The following ITPRIP variants were observed in gnomAD, a reference collection of about 807,000 sequenced individuals.
The protein encoded by ITPRIP is inositol 1,4,5-trisphosphate receptor-interacting protein.
In ITPRIP, 32 loss-of-function variants were observed where a neutral mutation model predicts 35.8. That is an observed-to-expected ratio of 0.89 (90% CI 0.68 to 1.20). The LOEUF (loss-of-function observed/expected upper bound fraction) is 1.20, where lower values mean the gene tolerates loss of function less well. Among genes scored for constraint, ITPRIP ranks in the 50% most tolerant of loss-of-function variants. The pLI is 0.00. For missense variants in ITPRIP, 653 were observed against 735.6 expected, an observed-to-expected ratio of 0.89 and a Z score of 1.30; for synonymous variants, 358 against 324.0, an observed-to-expected ratio of 1.11 and a Z score of -1.13.
In ITPRIP at chr10:104,314,638, T is replaced by C. The variant is rs747465215; in HGVS notation, c.1414A>G (p.Lys472Glu). ...LCFLEKSLLQ[K>E]KLHHFFIGNR... ...CCGATGAAGAAGTGGTGGAGCTTCT[T>C]CTGGAGCAAGCTCTTCTCCAGGAAG... Residue 472 changes from lysine (K) to glutamate (E), a missense_variant, in exon 2 of 2, where the codon AAG (lysine) becomes GAG (glutamate). Transcript: ENST00000337478. The C allele has an allele frequency of 3.1e-6, 5 of 1,614,022 alleles. No individual in the cohort carries two copies. In the African/African-American group the frequency reaches 4.0e-5, roughly 13 times the overall value.
chr10:104,310,678 G>A lies in ITPRIP; in HGVS notation c.*3730C>T, dbSNP rs373695289. 9.2e-5 allele frequency: 14 copies of A among 152,266 alleles called. No individual in the cohort carries two copies. The highest frequency in any genetic ancestry group is 2.9e-4 in the African/African-American group (12 of 41,558). 9.4% of individuals were successfully genotyped at this position (152,266 alleles called of 1,614,324 possible). ...TGTGTGCATTAACAAATGTGTGTGC[G>A]GAACGGTGCCTGCCATACAGTAGGT... On this transcript the variant is annotated 3_prime_UTR_variant, in exon 2 of 2. Coordinates refer to ENST00000337478, the MANE Select transcript of ITPRIP (RefSeq NM_001272013.2).
rs1281710566 is a variant in ITPRIP, at chr10:104,333,907, C to A, written c.-14+4339G>T. On this transcript the variant is annotated intron_variant, in intron 1 of 1. Transcript: ENST00000337478. This position sits in a 1 kb window ranked among gnomAD's most constrained non-coding sequence, Gnocchi z 4.1. ...CCTCTGCTGTCCTGAAGAGCGCACACTGGCCAGGTTTCCAGTCTGCGCCAG... is the reference window on the plus strand; with the variant it reads ...CCTCTGCTGTCCTGAAGAGCGCACAATGGCCAGGTTTCCAGTCTGCGCCAG... 1 of 152,312 alleles carries A rather than the reference C, an allele frequency of 6.6e-6. No homozygotes were observed. Among genetic ancestry groups the A allele is most frequent in the Non-Finnish European group, 1.5e-5 (1 of 68,120 alleles). 9.4% of individuals were successfully genotyped at this position (152,312 alleles called of 1,614,324 possible).
At chr10:104,331,362 T>G (rs1416475472) in intron 1 of ITPRIP, among the ~76,000 whole-genome samples, 1 of 152,252 alleles carries the variant, frequency 6.6e-6, no homozygotes, top group Non-Finnish European at 1.5e-5. Flanking sequence ...GTCCCCCGGC[T>G]GCTGCTAAGA....
chr10:104,318,838 G>C (rs1245504234), intron 1 of ITPRIP, among the ~76,000 whole-genome samples: 1 of 152,218 alleles, frequency 6.6e-6, no homozygotes, highest in African/African-American at 2.4e-5. Flanking sequence ...TATAAAGCTT[G>C]AACAAGATAA....
At chr10:104,332,905 C>T (rs1589896734) in intron 1 of ITPRIP, among the ~76,000 whole-genome samples, 1 of 152,234 alleles carries the variant, frequency 6.6e-6, no homozygotes. Context: ...TCCATACACT[C>T]TTCCTCTCCA....
chr10:104,318,987 ACT>A (rs2013767594), intron 1 of ITPRIP, among the ~76,000 whole-genome samples: 1 of 152,222 alleles, frequency 6.6e-6, no homozygotes, highest in Admixed American at 6.5e-5. Flanking sequence ...CCTACAAGGA[ACT>A]CTGGCAGGAT....
At position 104,315,799 on chromosome 10, in the gene ITPRIP, C is replaced by A; in HGVS notation, c.253G>T (p.Ala85Ser). 1 of 1,613,892 alleles carries A rather than the reference C, an allele frequency of 6.2e-7. No individual in the cohort carries two copies. Among genetic ancestry groups the A allele is most frequent in the Non-Finnish European group, 8.5e-7 (1 of 1,179,930 alleles). The change falls in exon 2 of 2, where the codon GCC becomes TCC. Residue 85 changes from alanine (A) to serine (S), a missense_variant. Transcript: ENST00000337478. The surrounding 1 kb of genome is among the most constrained non-coding windows in gnomAD (Gnocchi z 5.7). ...CAGAGGGTGCTCCAGAGGTCCCAGG[C>A]CACGCGTGTCTCGTTCTGCTGCCTG... ...EGRQQNETRV[A>S]WDLWSTLCMI...
At chr10:104,317,784 G>A (rs2013728228) in intron 1 of ITPRIP, among the ~76,000 whole-genome samples, 1 of 152,222 alleles carries the variant, frequency 6.6e-6, no homozygotes, top group Admixed American at 6.5e-5. Context: ...TCCTAATGGT[G>A]CCAAGGAACA....
chr10:104,320,300 A>T (rs886384101), intron 1 of ITPRIP, among the ~76,000 whole-genome samples: 4 of 152,168 alleles, frequency 2.6e-5, no homozygotes. Context: ...GCTTCCTGGG[A>T]CTTCAGCTAC....
chr10:104,337,876 A>T (rs1478061470), intron 1 of ITPRIP, among the ~76,000 whole-genome samples: 1 of 152,170 alleles, frequency 6.6e-6, no homozygotes, highest in Non-Finnish European at 1.5e-5. Flanking sequence ...CTCTGCTCAG[A>T]TGTGAGAAGT....
At position 104,314,756 on chromosome 10, in the gene ITPRIP, G is replaced by T; in HGVS notation, c.1296C>A (p.His432Gln). Residue 432 changes from histidine to glutamine, a missense_variant, in exon 2 of 2, where the codon CAC becomes CAA. His to Gln is a conservative substitution (Grantham distance 24). Transcript: ENST00000337478. Reference protein sequence around the residue: ...LTGPSGLSSYHLKTALLHLLL... With the variant: ...LTGPSGLSSYQLKTALLHLLL... ...GGAGGTGCAGTAGGGCCGTCTTCAG[G>T]TGGTAGCTGCTGAGCCCGCTGGGAC... 1.2e-6 allele frequency: 2 copies of T among 1,613,950 alleles called. No homozygotes were observed. Among genetic ancestry groups the T allele is most frequent in the Non-Finnish European group, 1.7e-6 (2 of 1,180,002 alleles).
chr10:104,324,984 GA>G (rs1426458613), intron 1 of ITPRIP, among the ~76,000 whole-genome samples: 4 of 152,242 alleles, frequency 2.6e-5, no homozygotes, highest in African/African-American at 9.6e-5. Context: ...TTGGAAGGCT[GA>G]GGCAGATGGA....
chr10:104,317,267 C>T (rs1401344602), intron 1 of ITPRIP, among the ~76,000 whole-genome samples: 2 of 152,216 alleles, frequency 1.3e-5, no homozygotes, highest in African/African-American at 4.8e-5. Flanking sequence ...AGGAGGCACT[C>T]TGTTCCCCTA....
rs765193846 is a variant in ITPRIP, at chr10:104,315,992, C to T, written c.60G>A (p.Pro20=). The change falls in exon 2 of 2, where the codon CCG becomes CCA. Residue 20 remains proline (P), a synonymous_variant. Transcript: ENST00000337478. This position sits in a 1 kb window ranked among gnomAD's most constrained non-coding sequence, Gnocchi z 5.7. ...LVVVTAIINH[P]LLFPRENATV... ...TGGCGTTCTCCCGCGGGAACAGCAG[C>T]GGGTGGTTGATGATGGCCGTCACCA... 8.1e-6 allele frequency: 13 copies of T among 1,611,018 alleles called. No individual in the cohort carries two copies. In the East Asian group the frequency reaches 8.9e-5, roughly 11 times the overall value.
Position 104,313,724 on chromosome 10 carries a change from G to C in ITPRIP, c.*684C>G, listed in dbSNP as rs1393567663. On this transcript the variant is annotated 3_prime_UTR_variant, in exon 2 of 2. Coordinates refer to ENST00000337478, the MANE Select transcript of ITPRIP (RefSeq NM_001272013.2). The stretch of plus-strand genomic sequence containing the variant: ...AGTGAGAAGTGTAGGGTGCAGCTGA[G>C]TGAGAAGTGTAGCTGAAAAAGTGGC... 1.0e-6 allele frequency: 1 copy of C among 985,456 alleles called. No individual in the cohort carries two copies. Among genetic ancestry groups the C allele is most frequent in the Non-Finnish European group, 1.2e-6 (1 of 830,040 alleles). The allele number at this position is 985,456 out of a possible 1,614,324, so 61.0% of individuals were successfully genotyped here. A position where few individuals can be genotyped will look rare whatever the true frequency, so the allele number is the denominator to read the frequency against.
intron 1 of ITPRIP, among the ~76,000 whole-genome samples, chr10:104,316,278 C>T (rs1311691265): frequency 6.6e-6 from 1 of 152,174 alleles, no homozygotes; most frequent in Non-Finnish European, 1.5e-5. Flanking sequence ...TTTAGTCCTA[C>T]CCAGACATTC....
chr10:104,315,576 C>T lies in ITPRIP; in HGVS notation c.476G>A (p.Arg159His), dbSNP rs145318706. ...GAAGCCTTCCAGGAACTCCCGGGTACGGGCTGCATCGGCCGTGGCCCCCCG... is the reference window on the plus strand; with the variant it reads ...GAAGCCTTCCAGGAACTCCCGGGTATGGGCTGCATCGGCCGTGGCCCCCCG... ...CIRGATADAARTREFLEGFVD... is the reference protein window; with the variant it reads ...CIRGATADAAHTREFLEGFVD... The change falls in exon 2 of 2, where the codon CGT (arginine) becomes CAT (histidine). Residue 159 changes from arginine (R) to histidine (H), a missense_variant. Transcript: ENST00000337478. The surrounding 1 kb of genome is among the most constrained non-coding windows in gnomAD (Gnocchi z 5.7). 19 of 1,613,808 alleles carry T rather than the reference C, an allele frequency of 1.2e-5. No individual in the cohort carries two copies. The African/African-American group carries it at 1.5e-4, about 12-fold the overall frequency.
intron 1 of ITPRIP, among the ~76,000 whole-genome samples, chr10:104,321,068 G>A (rs2013833723): frequency 6.6e-6 from 1 of 152,182 alleles, no homozygotes; most frequent in South Asian, 2.1e-4. Context: ...ATGGATATGT[G>A]TATATGTGTG....
chr10:104,316,492 G>C (rs1329586279), intron 1 of ITPRIP, among the ~76,000 whole-genome samples: 1 of 152,186 alleles, frequency 6.6e-6, no homozygotes, highest in Non-Finnish European at 1.5e-5. Flanking sequence ...ATGAGAGACA[G>C]ATGTAGGGTG....
Sources: allele counts gnomAD v4.1 joint callset (sites outside exome capture counted in the v4.1 genomes callset), GRCh38; gene constraint gnomAD v4.1.1; non-coding constraint Gnocchi (gnomAD v3.1); transcripts MANE v1.5; gene names NCBI Gene and HGNC (gene_info 2026-07-23, HGNC 2026-07-21).